The following STK3 variants were observed in gnomAD, a reference collection of about 807,000 sequenced individuals.
The protein encoded by STK3 is serine/threonine-protein kinase 3.
STK3 carries 41 observed loss-of-function variants against 58.0 expected under a neutral mutation model. The observed-to-expected ratio is 0.71, with a 90% CI of 0.55 to 0.92. The LOEUF is 0.92. Ranked by LOEUF, STK3 falls within the 40% of genes least tolerant of loss-of-function variation. The pLI is 0.00. For synonymous variants in STK3, 170 were observed against 191.0 expected (o/e 0.89, Z 0.91); for missense variants, 479 against 602.7 (o/e 0.79, Z 2.15).
chr8:98,596,321 C>T, intron 6 of STK3, 152 bp from the exon 7 acceptor site: 1 of 796,260 alleles, frequency 1.3e-6, no homozygotes, highest in Non-Finnish European at 1.9e-6. Flanking sequence ...ATTCAGGAAG[C>T]CAGTCCATCT....
intron 10 of STK3, among the ~76,000 whole-genome samples, chr8:98,496,056 T>C (rs1823108638): frequency 6.6e-6 from 1 of 152,178 alleles, no homozygotes; most frequent in Admixed American, 6.5e-5. Context: ...TAATGCTGAA[T>C]AGTTATTGGT....
At chr8:98,545,861 T>G (rs1188474717) in intron 9 of STK3, among the ~76,000 whole-genome samples, 1 of 152,136 alleles carries the variant, frequency 6.6e-6, no homozygotes. Flanking sequence ...AAGATTTAGA[T>G]CACGAGAAAA....
At chr8:98,742,604 G>C (rs1269073744) in intron 4 of STK3, among the ~76,000 whole-genome samples, 2 of 134,156 alleles carry the variant, frequency 1.5e-5, no homozygotes, top group Non-Finnish European at 3.2e-5. Flanking sequence ...AGCTATCTAT[G>C]ACAAACCCAC....
intron 6 of STK3, among the ~76,000 whole-genome samples, chr8:98,613,205 G>A (rs1034673891): frequency 6.6e-6 from 1 of 152,114 alleles, no homozygotes; most frequent in Admixed American, 6.5e-5. Flanking sequence ...GCAGTGATGA[G>A]CTCCCTTCCC....
rs1196961796 is a variant in STK3 at position 98,905,157 on chromosome 8, CCTT to C, written c.-78-21326_-78-21324del. The C allele has an allele frequency of 6.6e-6, 9 of 1,360,902 alleles. 1 individual carries two copies. Among genetic ancestry groups the C allele is most frequent in the Non-Finnish European group, 9.4e-6 (9 of 953,436 alleles). 84.3% of individuals were successfully genotyped at this position (1,360,902 alleles called of 1,614,324 possible). A position where few individuals can be genotyped will look rare whatever the true frequency, so the allele number is the denominator to read the frequency against. On this transcript the variant is annotated intron_variant, in intron 1 of 1. Coordinates refer to the STK3 transcript ENST00000519420. Reference sequence around the variant, plus strand: ...TACTGGGCACTCTTTGGACCAGTGACCTTCTTTCTTACACTGATAGCAGCCACA... The same window carrying C: ...TACTGGGCACTCTTTGGACCAGTGACCTTTCTTACACTGATAGCAGCCACA...
chr8:98,510,193 A>G (rs1824399056), intron 10 of STK3, among the ~76,000 whole-genome samples: 1 of 152,142 alleles, frequency 6.6e-6, no homozygotes. Flanking sequence ...ATTACTAGAG[A>G]CAATAGATGC....
chr8:98,815,118 G>C (rs1587690794), intron 1 of STK3, among the ~76,000 whole-genome samples: 1 of 152,176 alleles, frequency 6.6e-6, no homozygotes, highest in East Asian at 1.9e-4. Flanking sequence ...GGATTATAGT[G>C]GGTCAAAGAG....
intron 6 of STK3, among the ~76,000 whole-genome samples, chr8:98,674,400 C>T (rs903850910): frequency 4.6e-5 from 7 of 151,840 alleles, no homozygotes; most frequent in African/African-American, 1.2e-4. Flanking sequence ...AATGAGAAAA[C>T]ATCTTCATAA....
chr8:98,792,336 T>C (rs1832856895), intron 1 of STK3, among the ~76,000 whole-genome samples: 1 of 152,162 alleles, frequency 6.6e-6, no homozygotes, highest in South Asian at 2.1e-4. Flanking sequence ...AGGGAACACT[T>C]CTGCACTGCT....
At chr8:98,724,535 C>T (rs1587427235) in intron 4 of STK3, among the ~76,000 whole-genome samples, 1 of 152,286 alleles carries the variant, frequency 6.6e-6, no homozygotes, top group South Asian at 2.1e-4. Flanking sequence ...TACACACCCA[C>T]ATATTTTTAA....
chr8:98,584,043 C>A (rs984688498), intron 7 of STK3, among the ~76,000 whole-genome samples: 1 of 151,822 alleles, frequency 6.6e-6, no homozygotes, highest in African/African-American at 2.4e-5. Context: ...AAAATGCAAA[C>A]ATGTATCTCT....
At chr8:98,735,293 T>C (rs765863512) in intron 4 of STK3, among the ~76,000 whole-genome samples, 5 of 152,256 alleles carry the variant, frequency 3.3e-5, no homozygotes, top group Middle Eastern at 3.4e-3. Flanking sequence ...TTAAAACTCC[T>C]GGGCAACTGC....
chr8:98,486,734 G>A (rs1486295912), intron 10 of STK3, among the ~76,000 whole-genome samples: 2 of 152,150 alleles, frequency 1.3e-5, no homozygotes, highest in Non-Finnish European at 2.9e-5. Flanking sequence ...ATACTTGAAA[G>A]AAAGCCAGAT....
At chr8:98,443,732 C>T (rs1035278759) in intron 1 of STK3, among the ~76,000 whole-genome samples, 2 of 152,130 alleles carry the variant, frequency 1.3e-5, no homozygotes, top group Non-Finnish European at 2.9e-5. Flanking sequence ...CCTGTAATCC[C>T]AGCTATTCGG....
At chr8:98,782,240 CT>C in intron 1 of STK3, 1 of 171,038 alleles carries the variant, frequency 5.8e-6, no homozygotes, top group South Asian at 1.4e-4. Context: ...AAAAAAGCAC[CT>C]TGGCCTGCCA....
chr8:98,608,011 G>A (rs2130158146), intron 6 of STK3, among the ~76,000 whole-genome samples: 1 of 152,214 alleles, frequency 6.6e-6, no homozygotes, highest in East Asian at 1.9e-4. Flanking sequence ...AGATTTTAAT[G>A]TAACAAAATA....
chr8:98,851,906 T>C (rs1034718613), intron 3 of STK3, among the ~76,000 whole-genome samples: 1 of 152,176 alleles, frequency 6.6e-6, no homozygotes, highest in Non-Finnish European at 1.5e-5. Flanking sequence ...GAGGATCTCT[T>C]GAGCCCAGAG....
chr8:98,470,078 A>G (rs1820804152), intron 10 of STK3, among the ~76,000 whole-genome samples: 1 of 152,222 alleles, frequency 6.6e-6, no homozygotes, highest in African/African-American at 2.4e-5. Context: ...AAGCATTCTT[A>G]GACAAGAACA....
chr8:98,410,645 C>T (rs1818043821), intron 3 of STK3, among the ~76,000 whole-genome samples: 1 of 152,170 alleles, frequency 6.6e-6, no homozygotes, highest in Non-Finnish European at 1.5e-5. Flanking sequence ...CTCTTGTCGA[C>T]AGTGTGTGAT....
Sources: gnomAD v4.1 joint callset for allele counts (sites outside exome capture counted in the v4.1 genomes callset) on GRCh38, gnomAD v4.1.1 for gene constraint, MANE v1.5 for transcripts, NCBI Gene and HGNC (gene_info 2026-07-23, HGNC 2026-07-21) for gene names.